Variants in WDR41 observed in about 807,000 individuals in gnomAD.
The protein encoded by WDR41 is WD repeat domain 41.
Under a neutral mutation model 69.3 loss-of-function variants are expected in WDR41, and 63 were observed. That is an observed-to-expected ratio of 0.91 (90% CI 0.74 to 1.12). The LOEUF (loss-of-function observed/expected upper bound fraction) is 1.12. Ranked by LOEUF, WDR41 falls within the 50% of genes most tolerant of loss-of-function variation. WDR41 has a pLI of 0.00. For missense variants in WDR41, 543 were observed against 534.5 expected, an observed-to-expected ratio of 1.02 and a Z score of -0.16; for synonymous variants, 185 against 192.1, an observed-to-expected ratio of 0.96 and a Z score of 0.31.
intron 1 of WDR41, among the ~76,000 whole-genome samples, chr5:77,594,389 A>G (rs1744188888): frequency 6.6e-6 from 1 of 152,148 alleles, no homozygotes; most frequent in African/African-American, 2.4e-5. Context: ...CATTGTGCAC[A>G]TGTACCCTAG....
At chr5:77,560,155 A>T (rs181025060) in intron 1 of WDR41, among the ~76,000 whole-genome samples, 28 of 152,318 alleles carry the variant, frequency 1.8e-4, no homozygotes, top group African/African-American at 6.0e-4. Flanking sequence ...TAGGTTGTAT[A>T]AAAAAATTAG....
chr5:77,619,069 A>G (rs1035322044), intron 1 of WDR41, among the ~76,000 whole-genome samples: 5 of 152,248 alleles, frequency 3.3e-5, no homozygotes, highest in African/African-American at 1.2e-4. Flanking sequence ...GCTACAAAAT[A>G]GAACTCAAAG....
chr5:77,582,315 A>T (rs973110473), intron 1 of WDR41: 12 of 1,486,362 alleles, frequency 8.1e-6, no homozygotes, highest in Non-Finnish European at 1.1e-5. Flanking sequence ...GCATAGATAT[A>T]TAACAAGTTA....
chr5:77,579,542 C>A (rs1343329174), intron 1 of WDR41, among the ~76,000 whole-genome samples: 4 of 151,242 alleles, frequency 2.6e-5, no homozygotes, highest in African/African-American at 7.4e-5. Context: ...CTAAAAAAAA[C>A]CACCCTGTCA....
intron 9 of WDR41, among the ~76,000 whole-genome samples, chr5:77,439,472 A>G (rs142014471): frequency 6.6e-6 from 1 of 152,360 alleles, no homozygotes; most frequent in Non-Finnish European, 1.5e-5. Context: ...CCAATGTACT[A>G]AAATGGAAAG....
chr5:77,468,398 T>C (rs1018958183), intron 2 of WDR41, among the ~76,000 whole-genome samples: 5 of 152,114 alleles, frequency 3.3e-5, no homozygotes, highest in African/African-American at 1.2e-4. Context: ...TCTTAATGTA[T>C]AAAAATAATT....
At chr5:77,548,340 C>T (rs1250062217) in intron 1 of WDR41, among the ~76,000 whole-genome samples, 2 of 152,194 alleles carry the variant, frequency 1.3e-5, no homozygotes, top group Non-Finnish European at 2.9e-5. Flanking sequence ...GCAGAGTAAA[C>T]AGACAACCCA....
intron 1 of WDR41, among the ~76,000 whole-genome samples, chr5:77,602,940 C>CTTT (rs576335451): frequency 1.5e-5 from 2 of 137,184 alleles, no homozygotes; most frequent in African/African-American, 5.4e-5. Context: ...ATTTTTTTGT[C>CTTT]TTTTTTTTTT....
rs191262731 is a variant in WDR41 at position 77,549,170 on chromosome 5, A to G, written c.43-59598T>C. ...GGGGGTGAAGGATAAAAGACTACAA[A>G]TAGGGTGCAGTGTATACTGCCTGGG... On this transcript the variant is annotated intron_variant, in intron 1 of 5. Coordinates refer to the WDR41 transcript ENST00000509971. 3.2e-3 allele frequency among the ~76,000 whole-genome samples: 490 copies of G among 152,264 alleles called. 2 individuals are homozygous for G. The highest frequency in any genetic ancestry group is 0.011 in the African/African-American group (471 of 41,540).
chr5:77,492,715 G>A (rs1429430305), upstream of WDR41: 1 of 156,386 alleles, frequency 6.4e-6, no homozygotes, highest in Admixed American at 6.5e-5. Context: ...GCTGAAGAAG[G>A]TGTACCGCAG....
At chr5:77,433,436 A>C (rs1329544710) in intron 12 of WDR41, 149 bp from the exon 13 acceptor site, 1 of 532,438 alleles carries the variant, frequency 1.9e-6, no homozygotes, top group African/African-American at 2.0e-5. Flanking sequence ...AGTATTGGTA[A>C]GTCACATACA....
chr5:77,500,211 A>T (rs1236558749), intron 1 of WDR41, among the ~76,000 whole-genome samples: 1 of 152,266 alleles, frequency 6.6e-6, no homozygotes, highest in Non-Finnish European at 1.5e-5. Context: ...TGAAACAAAC[A>T]TTAAAACACA....
At chr5:77,536,985 G>T (rs1742998836) in intron 1 of WDR41, among the ~76,000 whole-genome samples, 1 of 152,194 alleles carries the variant, frequency 6.6e-6, no homozygotes, top group Non-Finnish European at 1.5e-5. Flanking sequence ...ATGGAAACCT[G>T]ACTGGTAAGA....
At chr5:77,573,696 T>C (rs528213674) in intron 1 of WDR41, among the ~76,000 whole-genome samples, 368 of 152,048 alleles carry the variant, frequency 2.4e-3, no homozygotes, top group African/African-American at 8.5e-3. Context: ...GGGGGAGAGA[T>C]GAGGAGGGGG....
chr5:77,552,907 G>A (rs958064502), intron 1 of WDR41, among the ~76,000 whole-genome samples: 14 of 152,192 alleles, frequency 9.2e-5, no homozygotes, highest in African/African-American at 3.1e-4. Context: ...TGGATCACAG[G>A]CTTAAATGTA....
At chr5:77,474,684 T>G (rs1388017726) in intron 2 of WDR41, among the ~76,000 whole-genome samples, 1 of 149,628 alleles carries the variant, frequency 6.7e-6, no homozygotes. Context: ...GGTCCTTTTT[T>G]AGCTCACAAA....
intron 7 of WDR41, 110 bp downstream of exon 7, chr5:77,451,181 A>AAG (rs1200657100): frequency 1.0e-6 from 1 of 961,230 alleles, no homozygotes; most frequent in Non-Finnish European, 1.6e-6. Flanking sequence ...CCAAGAAGCC[A>AAG]AGAGTGGGGC....
chr5:77,585,469 C>T (rs973975287), intron 1 of WDR41, among the ~76,000 whole-genome samples: 8 of 152,170 alleles, frequency 5.3e-5, no homozygotes, highest in Non-Finnish European at 1.0e-4. Flanking sequence ...AATCCCACTA[C>T]TGGATATCTA....
intron 4 of WDR41, among the ~76,000 whole-genome samples, chr5:77,461,717 A>T (rs1173817473): frequency 6.6e-6 from 1 of 152,110 alleles, no homozygotes; most frequent in Non-Finnish European, 1.5e-5. Context: ...AGGCGCCTGT[A>T]GTCCCAGCTA....
Sources: gnomAD v4.1 joint callset for allele counts (sites outside exome capture counted in the v4.1 genomes callset) on GRCh38, gnomAD v4.1.1 for gene constraint, MANE v1.5 for transcripts, NCBI Gene and HGNC (gene_info 2026-07-23, HGNC 2026-07-21) for gene names.